Variants in AUTS2 observed in about 807,000 individuals in gnomAD.
AUTS2 encodes activator of transcription and developmental regulator AUTS2, also known as autism susceptibility gene 2 protein.
A neutral mutation model predicts 112.4 loss-of-function variants in AUTS2; 17 were observed. The ratio of observed to expected loss-of-function variants is 0.15; its 90% CI spans 0.10 to 0.23. The LOEUF (loss-of-function observed/expected upper bound fraction) is 0.23, where lower values mean the gene tolerates loss of function less well. Among genes scored for constraint, AUTS2 ranks in the 10% least tolerant of loss-of-function variants. The pLI, the probability that AUTS2 is intolerant of heterozygous loss-of-function variation, is 1.00. For missense variants in AUTS2, 1,510 were observed against 1,701.6 expected (o/e 0.89, Z 1.98); for synonymous variants, 751 against 702.7 (o/e 1.07, Z -1.09).
chr7:70,169,365 C>T (rs910710850), intron 4 of AUTS2, among the ~76,000 whole-genome samples: 7 of 152,036 alleles, frequency 4.6e-5, no homozygotes, highest in Admixed American at 1.3e-4. Flanking sequence ...CTCAGCCTCC[C>T]GAGTAGCTGC....
intron 1 of AUTS2, among the ~76,000 whole-genome samples, chr7:69,732,657 G>C (rs1786850578): frequency 6.6e-6 from 1 of 152,042 alleles, no homozygotes. Context: ...TGAGGTATCT[G>C]TTTCTCTCTT....
chr7:70,583,107 T>TG (rs1308683119), intron 5 of AUTS2, among the ~76,000 whole-genome samples: 2 of 152,234 alleles, frequency 1.3e-5, no homozygotes, highest in Non-Finnish European at 2.9e-5. Flanking sequence ...GGGCCGCCCC[T>TG]GGCTGGTCTT....
intron 5 of AUTS2, among the ~76,000 whole-genome samples, chr7:70,545,507 T>C (rs942514510): frequency 3.9e-5 from 6 of 152,252 alleles, no homozygotes; most frequent in Non-Finnish European, 8.8e-5. Flanking sequence ...CTGCTTTAGA[T>C]GGTGCTCCAG....
At chr7:70,430,303 A>C (rs1488587449) in intron 4 of AUTS2, among the ~76,000 whole-genome samples, 1 of 152,178 alleles carries the variant, frequency 6.6e-6, no homozygotes, top group Admixed American at 6.5e-5. Context: ...ATTTAGATGG[A>C]TACTTGAGTC....
intron 1 of AUTS2, among the ~76,000 whole-genome samples, chr7:69,760,004 A>C (rs146240707): frequency 2.6e-5 from 4 of 151,840 alleles, no homozygotes; most frequent in African/African-American, 9.7e-5. Flanking sequence ...GTTTATTTAG[A>C]TAGTAAACTG....
At position 69,702,688 on chromosome 7, in the gene AUTS2, A is replaced by T. The variant is rs561059927; in HGVS notation, c.309+102726A>T. 2.0e-5 allele frequency among the ~76,000 whole-genome samples: 3 copies of T among 152,224 alleles called. No homozygotes were observed. The South Asian group carries it at 6.2e-4, about 32-fold the overall frequency. On this transcript the variant is annotated intron_variant, in intron 1 of 18. Transcript: ENST00000342771. ...CAGCACCACCTGGGATCTTGTTAGAAATGCAGATTTGGGGACTCCTACCCT... is the reference window on the plus strand; with the variant it reads ...CAGCACCACCTGGGATCTTGTTAGATATGCAGATTTGGGGACTCCTACCCT...
chr7:69,978,900 A>ACACACACG (rs1389883498), intron 2 of AUTS2, among the ~76,000 whole-genome samples: 2 of 128,486 alleles, frequency 1.6e-5, no homozygotes, highest in Non-Finnish European at 3.4e-5. Context: ...ACACACACAC[A>ACACACACG]CGCACACACG....
chr7:70,406,290 A>C (rs1292567859), intron 4 of AUTS2, among the ~76,000 whole-genome samples: 3 of 152,184 alleles, frequency 2.0e-5, no homozygotes, highest in Non-Finnish European at 4.4e-5. Context: ...ATGGTGGGAC[A>C]GAATGCCTCA....
At chr7:70,089,598 A>G (rs749416875) in intron 2 of AUTS2, among the ~76,000 whole-genome samples, 8 of 151,398 alleles carry the variant, frequency 5.3e-5, no homozygotes, top group Non-Finnish European at 8.8e-5. Flanking sequence ...GGATATTTAG[A>G]CTGTTTATAT....
chr7:70,176,089 T>C (rs1448009556), intron 4 of AUTS2, among the ~76,000 whole-genome samples: 2 of 152,126 alleles, frequency 1.3e-5, no homozygotes, highest in Non-Finnish European at 2.9e-5. Flanking sequence ...ATGTATTACT[T>C]CAACAGGAGT....
chr7:70,496,482 C>T (rs1798515639), intron 5 of AUTS2, among the ~76,000 whole-genome samples: 2 of 122,298 alleles, frequency 1.6e-5, no homozygotes, highest in Non-Finnish European at 3.4e-5. Flanking sequence ...CACACACACC[C>T]CACACACATG....
chr7:70,623,108 G>A (rs914658803), intron 5 of AUTS2, among the ~76,000 whole-genome samples: 7 of 152,166 alleles, frequency 4.6e-5, no homozygotes, highest in African/African-American at 7.2e-5. Context: ...GAATGGCTTC[G>A]GGAAGCATTT....
intron 4 of AUTS2, among the ~76,000 whole-genome samples, chr7:70,411,760 A>G (rs1474297526): frequency 2.0e-5 from 3 of 152,198 alleles, no homozygotes; most frequent in Non-Finnish European, 4.4e-5. Flanking sequence ...CACAGACCAT[A>G]GGGGAATATA....
At chr7:70,552,705 G>T (rs1801063520) in intron 5 of AUTS2, among the ~76,000 whole-genome samples, 1 of 152,176 alleles carries the variant, frequency 6.6e-6, no homozygotes, top group Non-Finnish European at 1.5e-5. Context: ...AATTTGATCA[G>T]TTACATTTTT....
intron 2 of AUTS2, among the ~76,000 whole-genome samples, chr7:70,004,307 CTATA>C (rs202044644): frequency 1.6e-5 from 2 of 121,976 alleles, no homozygotes; most frequent in African/African-American, 6.2e-5. Flanking sequence ...TTATATGTGA[CTATA>C]TATTATATAT....
At chr7:69,990,059 G>C (rs868172302) in intron 2 of AUTS2, among the ~76,000 whole-genome samples, 33 of 152,262 alleles carry the variant, frequency 2.2e-4, no homozygotes, top group African/African-American at 7.2e-4. Context: ...GGGGACCGCT[G>C]ACATACAAGA....
chr7:69,742,095 G>A (rs1001453772), intron 1 of AUTS2, among the ~76,000 whole-genome samples: 3 of 148,984 alleles, frequency 2.0e-5, no homozygotes, highest in African/African-American at 7.4e-5. Flanking sequence ...AGCCACTGGT[G>A]CCCAGCCTAT....
chr7:70,148,118 G>A (rs991383704), intron 4 of AUTS2, among the ~76,000 whole-genome samples: 3 of 151,896 alleles, frequency 2.0e-5, no homozygotes, highest in African/African-American at 7.3e-5. Flanking sequence ...TCACAAATAG[G>A]ACATTCCAGA....
rs948758899 is a variant in AUTS2, at chr7:70,660,180, AAAAAAAAGAAAAG to A, written c.691-38380_691-38368del. 2.6e-5 allele frequency among the ~76,000 whole-genome samples: 4 copies of A among 152,016 alleles called. No individual in the cohort carries two copies. In the South Asian group the frequency reaches 6.2e-4, roughly 24 times the overall value. ...CAAGAGAGTGAGACTCTGTCTCAAA[AAAAAAAAGAAAAG>A]AAAAAAAGGAAAGAAAGAAAGAAAT... On this transcript the variant is annotated intron_variant, in intron 5 of 18. Coordinates refer to ENST00000342771, the MANE Select transcript of AUTS2 (RefSeq NM_015570.4).
Sources: allele counts gnomAD v4.1 joint callset (sites outside exome capture counted in the v4.1 genomes callset), GRCh38; gene constraint gnomAD v4.1.1; transcripts MANE v1.5; gene names NCBI Gene and HGNC (gene_info 2026-07-23, HGNC 2026-07-21).